The following BANK1 variants were observed in gnomAD, a reference collection of about 807,000 sequenced individuals.
BANK1 encodes the protein B-cell scaffold protein with ankyrin repeats.
Under a neutral mutation model 94.5 loss-of-function variants are expected in BANK1, and 95 were observed. The observed-to-expected ratio is 1.00, with a 90% CI of 0.85 to 1.19. BANK1 has a LOEUF of 1.19. Among genes scored for constraint, BANK1 ranks in the 50% most tolerant of loss-of-function variants. The probability of loss-of-function intolerance (pLI) is 0.00; values close to 1 mark genes in which losing one functional copy is unlikely to be tolerated. For missense variants in BANK1, 987 were observed against 932.2 expected (o/e 1.06, Z -0.77); for synonymous variants, 334 against 308.4 (o/e 1.08, Z -0.87).
chr4:101,906,221 A>G (rs1238287598), intron 6 of BANK1, among the ~76,000 whole-genome samples: 2 of 152,210 alleles, frequency 1.3e-5, no homozygotes, highest in African/African-American at 2.4e-5. Flanking sequence ...AAACAGCAAC[A>G]TTCTTTAACA....
At position 102,030,216 on chromosome 4, in the gene BANK1, A is replaced by C. The variant is rs2148950652; in HGVS notation, c.1851A>C (p.Arg617=). Residue 617 remains arginine, a synonymous_variant, in exon 10 of 17, where the codon CGA becomes CGC. Transcript: ENST00000322953. The part of the protein sequence containing the change: ...IINRPPAPTP[R]PTSIPPKEET... ...ATAGACCTCCTGCCCCCACACCCCG[A>C]CCCACAAGTATACCTCCAAAAGAGG... is the stretch of plus-strand genomic sequence containing the variant. 2 of 1,611,482 alleles carry C rather than the reference A, an allele frequency of 1.2e-6. No homozygotes were observed. The highest frequency in any genetic ancestry group is 1.7e-6 in the Non-Finnish European group (2 of 1,179,298).
intron 2 of BANK1, 34 bp downstream of exon 2, chr4:101,830,240 ATTTG>A (rs891226115): frequency 2.0e-5 from 27 of 1,355,632 alleles, no homozygotes; most frequent in African/African-American, 8.3e-5. Context: ...TTTTATTTTT[ATTTG>A]TTTTTTTTTT....
chr4:102,049,574 A>G (rs1469540705), intron 11 of BANK1, among the ~76,000 whole-genome samples: 1 of 152,178 alleles, frequency 6.6e-6, no homozygotes, highest in Non-Finnish European at 1.5e-5. Flanking sequence ...TCTCACTCTT[A>G]GAGGGCAAAA....
intron 11 of BANK1, among the ~76,000 whole-genome samples, chr4:102,046,378 TAATTAACAAAGGCATGAAATAAC>T (rs2148957561): frequency 6.6e-6 from 1 of 152,258 alleles, no homozygotes; most frequent in East Asian, 1.9e-4. Context: ...AAAATTATTT[TAATTAACAAAGGCATGAAATAAC>T]CTTATCAGAA....
chr4:101,992,903 G>A (rs373558496), intron 7 of BANK1, among the ~76,000 whole-genome samples: 8 of 152,084 alleles, frequency 5.3e-5, no homozygotes, highest in African/African-American at 1.4e-4. Flanking sequence ...TATCTCTGTC[G>A]CCCAGAACTG....
chr4:101,790,931 C>A lies in BANK1; in HGVS notation c.51C>A (p.Pro17=). ...GKGLGSPDPA[P]CGPAPPGNTK... is the part of the protein sequence containing the mutation. Reference sequence around the variant, plus strand: ...GGCTTGGGAGCCCGGACCCCGCCCCCTGCGGCCCAGCGCCCCCAGGTGGGT... The same window carrying A: ...GGCTTGGGAGCCCGGACCCCGCCCCATGCGGCCCAGCGCCCCCAGGTGGGT... The change falls in exon 1 of 17, where the codon CCC becomes CCA. Residue 17 remains proline (P), a synonymous_variant. Transcript: ENST00000322953. 1 of 1,529,764 alleles carries A rather than the reference C, an allele frequency of 6.5e-7. No homozygotes were observed. Among genetic ancestry groups the A allele is most frequent in the Non-Finnish European group, 8.7e-7 (1 of 1,143,920 alleles). 94.8% of individuals were successfully genotyped at this position (1,529,764 alleles called of 1,614,324 possible).
At chr4:101,849,516 C>T (rs12500010) in intron 2 of BANK1, among the ~76,000 whole-genome samples, 12,289 of 152,000 alleles carry the variant, frequency 0.081, 793 homozygotes, top group East Asian at 0.24. Context: ...CACACACACA[C>T]ATATACACAC....
At chr4:101,830,244 G>GTT (rs58497383) in intron 2 of BANK1, 38 bp downstream of exon 2, 623 of 1,283,000 alleles carry the variant, frequency 4.9e-4, no homozygotes, top group Non-Finnish European at 5.4e-4. Flanking sequence ...ATTTTTATTT[G>GTT]TTTTTTTTTT....
intron 7 of BANK1, among the ~76,000 whole-genome samples, chr4:102,017,428 G>T (rs1200832988): frequency 1.3e-5 from 2 of 152,206 alleles, no homozygotes; most frequent in Non-Finnish European, 2.9e-5. Flanking sequence ...CATGGGCAAA[G>T]ATTAAGGCCA....
chr4:101,954,966 A>G (rs1724287727), intron 7 of BANK1, among the ~76,000 whole-genome samples: 1 of 152,158 alleles, frequency 6.6e-6, no homozygotes, highest in Non-Finnish European at 1.5e-5. Flanking sequence ...AAGGTCAGTG[A>G]TAGGTAAGCA....
At chr4:101,903,098 T>C (rs909944192) in intron 6 of BANK1, among the ~76,000 whole-genome samples, 2 of 152,218 alleles carry the variant, frequency 1.3e-5, no homozygotes, top group African/African-American at 2.4e-5. Flanking sequence ...ATAGGGCGTC[T>C]GGAAAACTTT....
chr4:102,004,795 C>T (rs536653078), intron 7 of BANK1, among the ~76,000 whole-genome samples: 1 of 152,056 alleles, frequency 6.6e-6, no homozygotes, highest in Non-Finnish European at 1.5e-5. Context: ...AAAATTAAAG[C>T]CCTCACAGCA....
At chr4:101,893,749 A>G (rs1251263382) in intron 5 of BANK1, among the ~76,000 whole-genome samples, 2 of 152,056 alleles carry the variant, frequency 1.3e-5, no homozygotes, top group South Asian at 2.1e-4. Context: ...TACATAAACA[A>G]TCATAATTAT....
At chr4:102,025,115 C>T (rs950394188) in intron 8 of BANK1, 86 bp from the exon 9 acceptor site, 6 of 1,398,616 alleles carry the variant, frequency 4.3e-6, no homozygotes, top group Non-Finnish European at 5.9e-6. Flanking sequence ...ATTAGCAGTA[C>T]TACTATTTCT....
At chr4:101,823,110 C>T (rs1411780496) in intron 1 of BANK1, among the ~76,000 whole-genome samples, 2 of 152,074 alleles carry the variant, frequency 1.3e-5, no homozygotes, top group African/African-American at 2.4e-5. Context: ...TTTGTATTTG[C>T]TGCAATTGCT....
chr4:101,803,876 T>C (rs1725445508), intron 1 of BANK1, among the ~76,000 whole-genome samples: 1 of 148,406 alleles, frequency 6.7e-6, no homozygotes. Context: ...CGGGCGCCTG[T>C]AGTCCCAGCT....
chr4:101,945,228 A>G (rs1723889545), intron 7 of BANK1, among the ~76,000 whole-genome samples: 1 of 152,006 alleles, frequency 6.6e-6, no homozygotes, highest in South Asian at 2.1e-4. Flanking sequence ...AATTTTTATT[A>G]TGACAAATGG....
chr4:101,928,573 G>T (rs1045006976), intron 7 of BANK1, among the ~76,000 whole-genome samples: 1 of 151,624 alleles, frequency 6.6e-6, no homozygotes, highest in Admixed American at 6.6e-5. Context: ...CAGTACTGCC[G>T]AGTTCACTTA....
chr4:101,877,464 A>T (rs1219399541), intron 5 of BANK1, among the ~76,000 whole-genome samples: 1 of 152,238 alleles, frequency 6.6e-6, no homozygotes, highest in Non-Finnish European at 1.5e-5. Context: ...AAAAATAGTA[A>T]CTACAACAAC....
Sources: allele counts gnomAD v4.1 joint callset (sites outside exome capture counted in the v4.1 genomes callset), GRCh38; gene constraint gnomAD v4.1.1; transcripts MANE v1.5; gene names NCBI Gene and HGNC (gene_info 2026-07-23, HGNC 2026-07-21).